Variants in DGKI observed in about 807,000 individuals in gnomAD.
The protein encoded by DGKI is DAG kinase iota.
DGKI carries 55 observed loss-of-function variants against 147.5 expected under a neutral mutation model. The ratio of observed to expected loss-of-function variants is 0.37; its 90% CI spans 0.30 to 0.47. DGKI has a LOEUF of 0.47. DGKI is among the 20% of genes least tolerant of loss of function. DGKI has a pLI of 1.00. For missense variants in DGKI, 1,007 were observed against 1,323.8 expected, an observed-to-expected ratio of 0.76 and a Z score of 3.71; for synonymous variants, 469 against 477.1, an observed-to-expected ratio of 0.98 and a Z score of 0.22.
At chr7:137,578,349 T>A (rs756880326) in intron 15 of DGKI, 24 bp from the exon 16 acceptor site, 4 of 1,596,900 alleles carry the variant, frequency 2.5e-6, no homozygotes. Flanking sequence ...AAAGTAGTTT[T>A]GTTATGGAGA....
chr7:137,572,746 C>A lies in DGKI; in HGVS notation c.1835+19G>T. 1 of 1,551,408 alleles carries A rather than the reference C, an allele frequency of 6.4e-7. No homozygotes were observed. The highest frequency in any genetic ancestry group is 8.8e-7 in the Non-Finnish European group (1 of 1,140,920). The stretch of plus-strand genomic sequence containing the variant: ...CAGAGTTCACGTCAAACCAAGGAAA[C>A]AATACAAACAGAGCCTACCTGGGTA... On this transcript the variant is annotated intron_variant, in intron 18 of 32. Coordinates refer to ENST00000614521, the MANE Select transcript of DGKI (RefSeq NM_001321708.2).
intron 6 of DGKI, among the ~76,000 whole-genome samples, chr7:137,628,008 AT>A (rs1256350891): frequency 1.3e-5 from 2 of 152,218 alleles, no homozygotes; most frequent in Non-Finnish European, 2.9e-5. Flanking sequence ...CTACTTATGT[AT>A]TTAATGTGTG....
intron 5 of DGKI, among the ~76,000 whole-genome samples, chr7:137,648,721 G>A (rs7806721): frequency 0.1 from 15,770 of 152,088 alleles, 2,325 homozygotes; most frequent in African/African-American, 0.33. Context: ...TAATATTTTT[G>A]GACTGTGGTT....
At chr7:137,599,299 C>T (rs1285245799) in intron 11 of DGKI, among the ~76,000 whole-genome samples, 3 of 152,056 alleles carry the variant, frequency 2.0e-5, no homozygotes, top group Non-Finnish European at 4.4e-5. Context: ...AGCTCAGAAA[C>T]GGGATTGAGC....
At chr7:137,533,227 T>A (rs1817403394) in intron 20 of DGKI, among the ~76,000 whole-genome samples, 1 of 152,098 alleles carries the variant, frequency 6.6e-6, no homozygotes, top group Non-Finnish European at 1.5e-5. Context: ...AGTTCAAGAT[T>A]GCAATCAACT....
chr7:137,809,528 C>T (rs1307368893), intron 1 of DGKI, among the ~76,000 whole-genome samples: 1 of 152,076 alleles, frequency 6.6e-6, no homozygotes, highest in African/African-American at 2.4e-5. Context: ...ATCACTTTAT[C>T]ATAAAATAGA....
intron 6 of DGKI, among the ~76,000 whole-genome samples, chr7:137,632,759 T>A (rs1821177035): frequency 1.3e-5 from 2 of 152,106 alleles, no homozygotes; most frequent in South Asian, 4.1e-4. Context: ...CTCAGGAGGC[T>A]GAGGCAGGAG....
intron 19 of DGKI, among the ~76,000 whole-genome samples, chr7:137,557,931 C>G (rs1818281487): frequency 6.6e-6 from 1 of 152,204 alleles, no homozygotes; most frequent in Non-Finnish European, 1.5e-5. Flanking sequence ...CGCTGTCCCT[C>G]TAGCCCTAGA....
intron 1 of DGKI, among the ~76,000 whole-genome samples, chr7:137,706,925 A>C (rs1296093993): frequency 6.6e-6 from 1 of 152,188 alleles, no homozygotes; most frequent in African/African-American, 2.4e-5. Context: ...TAGGTTATTG[A>C]CCTTCCAGAG....
At chr7:137,558,840 C>A (rs532678018) in intron 19 of DGKI, among the ~76,000 whole-genome samples, 3 of 114,066 alleles carry the variant, frequency 2.6e-5, no homozygotes, top group Non-Finnish European at 5.0e-5. Context: ...TGAGCCACTG[C>A]GCCCAGCCCA....
chr7:137,559,925 T>C (rs1263974582), intron 19 of DGKI, among the ~76,000 whole-genome samples: 2 of 152,232 alleles, frequency 1.3e-5, no homozygotes, highest in South Asian at 2.1e-4. Context: ...AATAGATTTG[T>C]ATAATTCTGG....
intron 1 of DGKI, among the ~76,000 whole-genome samples, chr7:137,692,280 G>C (rs1823640731): frequency 6.6e-6 from 1 of 152,138 alleles, no homozygotes; most frequent in Non-Finnish European, 1.5e-5. Flanking sequence ...TCTCTGAAGA[G>C]TCAGAATACA....
At chr7:137,587,939 G>A (rs1819465717) in intron 12 of DGKI, among the ~76,000 whole-genome samples, 1 of 152,030 alleles carries the variant, frequency 6.6e-6, no homozygotes, top group African/African-American at 2.4e-5. Flanking sequence ...AATACTTTGG[G>A]TTTAGTCTTA....
At chr7:137,584,298 A>T (rs2128982501) in intron 14 of DGKI, among the ~76,000 whole-genome samples, 1 of 152,310 alleles carries the variant, frequency 6.6e-6, no homozygotes, top group East Asian at 1.9e-4. Flanking sequence ...TACAGAGTTT[A>T]AAAATTCAAT....
chr7:137,830,139 A>C (rs1798176255), intron 1 of DGKI, among the ~76,000 whole-genome samples: 1 of 152,238 alleles, frequency 6.6e-6, no homozygotes, highest in African/African-American at 2.4e-5. Flanking sequence ...CTGCAACCTA[A>C]GCAAAACTTT....
At chr7:137,493,871 G>C in intron 21 of DGKI, 2 of 662,554 alleles carry the variant, frequency 3.0e-6, no homozygotes, top group South Asian at 1.6e-5. Context: ...AATATGGACA[G>C]GAATGAAGAT....
Position 137,710,858 on chromosome 7 carries a change from G to A in DGKI, c.402-20856C>T, listed in dbSNP as rs543376866. On this transcript the variant is annotated intron_variant, in intron 1 of 32. Coordinates refer to ENST00000614521, the MANE Select transcript of DGKI (RefSeq NM_001321708.2). ...TAAAAAGATTAGCCACAAAATAAAAGATGTTTTCTACAACTAATAGATACT... is the reference window on the plus strand; with the variant it reads ...TAAAAAGATTAGCCACAAAATAAAAAATGTTTTCTACAACTAATAGATACT... Among the ~76,000 whole-genome samples the A allele has an allele frequency of 7.2e-5, 11 of 152,130 alleles. No homozygotes were observed. In the East Asian group the frequency reaches 2.1e-3, roughly 29 times the overall value.
In DGKI at chr7:137,407,966, A is replaced by T; in HGVS notation, c.2829T>A (p.Ser943Arg). 6.2e-7 allele frequency: 1 copy of T among 1,610,934 alleles called. No homozygotes were observed. Among genetic ancestry groups the T allele is most frequent in the Non-Finnish European group, 8.5e-7 (1 of 1,179,468 alleles). ...AGTGGTCTGGTCCCTGAATTAGCAG[A>T]CTGCCTCCATTTTTATAGCTTTCTA... ...KLIESYKNGGSLLIQGPDHCS... is the reference protein window; with the variant it reads ...KLIESYKNGGRLLIQGPDHCS... Residue 943 changes from serine to arginine, a missense_variant, in exon 30 of 33, where the codon AGT becomes AGA. Physicochemically the swap from Ser to Arg is moderately radical, Grantham distance 110 (BLOSUM62 -1). Around this residue, in one of 5 missense-constraint regions of DGKI, gnomAD observed 385 missense variants for 445.2 expected, o/e 0.86. Transcript: ENST00000614521.
chr7:137,838,990 G>A (rs752829687), intron 1 of DGKI, among the ~76,000 whole-genome samples: 4 of 152,194 alleles, frequency 2.6e-5, no homozygotes, highest in South Asian at 2.1e-4. Context: ...TGGAATCACA[G>A]GGGACAATTC....
Sources: allele counts gnomAD v4.1 joint callset (sites outside exome capture counted in the v4.1 genomes callset), GRCh38; gene constraint gnomAD v4.1.1; regional missense constraint gnomAD v4.1.1; transcripts MANE v1.5; gene names NCBI Gene and HGNC (gene_info 2026-07-23, HGNC 2026-07-21).